The following TSHZ2 variants were observed in gnomAD, a reference collection of about 807,000 sequenced individuals.
TSHZ2 encodes the protein teashirt zinc finger homeobox 2, also known as teashirt homolog 2.
Under a neutral mutation model 74.4 loss-of-function variants are expected in TSHZ2, and 21 were observed. The observed-to-expected ratio is 0.28, with a 90% CI of 0.20 to 0.41. The LOEUF is 0.41. Among genes scored for constraint, TSHZ2 ranks in the 10% least tolerant of loss-of-function variants. The pLI is 1.00. For missense variants in TSHZ2, 1,244 were observed against 1,293.5 expected (o/e 0.96, Z 0.59); for synonymous variants, 540 against 515.3 (o/e 1.05, Z -0.65).
intron 1 of TSHZ2, among the ~76,000 whole-genome samples, chr20:52,981,196 G>A (rs1365859995): frequency 6.6e-6 from 1 of 152,204 alleles, no homozygotes; most frequent in Non-Finnish European, 1.5e-5. Flanking sequence ...AAGGGCAAGT[G>A]ACTTGGGTTC....
chr20:53,051,434 T>C (rs1568737057), intron 1 of TSHZ2, among the ~76,000 whole-genome samples: 3 of 148,370 alleles, frequency 2.0e-5, no homozygotes, highest in African/African-American at 7.5e-5. Context: ...GAAATATTCT[T>C]ATCATATTAC....
chr20:53,172,560 T>C (rs944842073), intron 1 of TSHZ2, among the ~76,000 whole-genome samples: 4 of 152,026 alleles, frequency 2.6e-5, no homozygotes, highest in Non-Finnish European at 5.9e-5. Context: ...CAAATACTTA[T>C]GGCATCTTTA....
chr20:53,228,239 G>T (rs1164990881), intron 1 of TSHZ2, among the ~76,000 whole-genome samples: 1 of 151,736 alleles, frequency 6.6e-6, no homozygotes, highest in Non-Finnish European at 1.5e-5. Flanking sequence ...GACCACATAG[G>T]ACTCTCCCTT....
chr20:53,243,678 T>C (rs1990124741), intron 1 of TSHZ2, among the ~76,000 whole-genome samples: 1 of 152,138 alleles, frequency 6.6e-6, no homozygotes, highest in Non-Finnish European at 1.5e-5. Flanking sequence ...CCCAATGACA[T>C]GAAAATTCTT....
intron 1 of TSHZ2, among the ~76,000 whole-genome samples, chr20:53,029,858 T>G (rs1378291671): frequency 6.6e-6 from 1 of 152,200 alleles, no homozygotes; most frequent in Non-Finnish European, 1.5e-5. Flanking sequence ...ATTTGGAGTT[T>G]TTTTGATATC....
intron 1 of TSHZ2, among the ~76,000 whole-genome samples, chr20:53,150,962 C>T (rs1392710067): frequency 6.6e-6 from 1 of 152,154 alleles, no homozygotes; most frequent in Non-Finnish European, 1.5e-5. Context: ...GACAAATTAG[C>T]TATTAGGTAA....
intron 2 of TSHZ2, among the ~76,000 whole-genome samples, chr20:53,364,309 G>C (rs1486571966): frequency 6.6e-6 from 1 of 152,158 alleles, no homozygotes; most frequent in Non-Finnish European, 1.5e-5. Flanking sequence ...CCTGCCCGGA[G>C]AGCTGCTAGC....
intron 2 of TSHZ2, among the ~76,000 whole-genome samples, chr20:53,413,371 G>A (rs1983121408): frequency 6.6e-6 from 1 of 152,268 alleles, no homozygotes; most frequent in Non-Finnish European, 1.5e-5. Flanking sequence ...GCTGGACTTA[G>A]AAATCCTGCA....
chr20:53,023,621 T>G (rs1600651154), intron 1 of TSHZ2, among the ~76,000 whole-genome samples: 1 of 43,634 alleles, frequency 2.3e-5, no homozygotes, highest in Non-Finnish European at 3.8e-5. Flanking sequence ...CGTTTTTTGT[T>G]TTTTTTTTTG....
At chr20:53,135,023 C>T (rs922125044) in intron 1 of TSHZ2, among the ~76,000 whole-genome samples, 4 of 151,716 alleles carry the variant, frequency 2.6e-5, no homozygotes, top group South Asian at 4.2e-4. Flanking sequence ...CACACACACA[C>T]ACACACACAC....
At chr20:53,361,044 T>C (rs987960709) in intron 2 of TSHZ2, among the ~76,000 whole-genome samples, 9 of 152,186 alleles carry the variant, frequency 5.9e-5, no homozygotes, top group Non-Finnish European at 1.2e-4. Flanking sequence ...ATTCTCCACA[T>C]TGGCTCTGTA....
chr20:53,412,488 A>G (rs1022100774), intron 2 of TSHZ2: 1 of 152,268 alleles, frequency 6.6e-6, no homozygotes, highest in Non-Finnish European at 1.5e-5. Context: ...AAGTGAATAC[A>G]AACTGTTCCA....
chr20:53,025,830 C>G (rs1983418885), intron 1 of TSHZ2, among the ~76,000 whole-genome samples: 1 of 152,178 alleles, frequency 6.6e-6, no homozygotes, highest in African/African-American at 2.4e-5. Flanking sequence ...CAATTCTCTC[C>G]TATTTATAGG....
intron 1 of TSHZ2, among the ~76,000 whole-genome samples, chr20:53,022,080 A>G (rs1983265786): frequency 6.6e-6 from 1 of 152,208 alleles, no homozygotes; most frequent in Non-Finnish European, 1.5e-5. Context: ...ACCTAAGCTA[A>G]GAAGTGCTAC....
At chr20:53,120,112 C>T (rs533800176) in intron 1 of TSHZ2, among the ~76,000 whole-genome samples, 1 of 152,344 alleles carries the variant, frequency 6.6e-6, no homozygotes, top group East Asian at 1.9e-4. Flanking sequence ...AACACTGTTT[C>T]CATCCACCAC....
intron 2 of TSHZ2, among the ~76,000 whole-genome samples, chr20:53,405,002 C>T (rs962992396): frequency 7.9e-5 from 12 of 152,364 alleles, no homozygotes; most frequent in Middle Eastern, 3.4e-3. Flanking sequence ...TGTAATCTAG[C>T]ATTTTGGGAG....
intron 1 of TSHZ2, among the ~76,000 whole-genome samples, chr20:53,223,773 G>C (rs540319088): frequency 2.6e-5 from 4 of 151,252 alleles, no homozygotes; most frequent in Admixed American, 1.3e-4. Context: ...GGGAAAGAAA[G>C]GGGGAGGTAG....
chr20:53,406,334 A>G (rs944024162), intron 2 of TSHZ2, among the ~76,000 whole-genome samples: 1 of 152,256 alleles, frequency 6.6e-6, no homozygotes, highest in Non-Finnish European at 1.5e-5. Context: ...AATGACAGAA[A>G]GCAGCTAGAA....
intron 2 of TSHZ2, among the ~76,000 whole-genome samples, chr20:53,420,843 G>C (rs897220690): frequency 6.6e-6 from 1 of 152,204 alleles, no homozygotes; most frequent in Non-Finnish European, 1.5e-5. Context: ...TTTGGAGTTT[G>C]TGTTACCCAT....
Sources: gnomAD v4.1 joint callset for allele counts (sites outside exome capture counted in the v4.1 genomes callset) on GRCh38, gnomAD v4.1.1 for gene constraint, MANE v1.5 for transcripts, NCBI Gene and HGNC (gene_info 2026-07-23, HGNC 2026-07-21) for gene names.